Variants in USP34 observed in about 807,000 individuals in gnomAD.
USP34 encodes the protein ubiquitin specific peptidase 34.
A neutral mutation model predicts 460.3 loss-of-function variants in USP34; 70 were observed. The observed-to-expected ratio is 0.15, with a 90% CI of 0.13 to 0.19. The LOEUF (loss-of-function observed/expected upper bound fraction) is 0.19. USP34 is among the 10% of genes least tolerant of loss of function. The probability of loss-of-function intolerance (pLI) is 1.00; values close to 1 mark genes in which losing one functional copy is unlikely to be tolerated. For missense variants in USP34, 3,985 were observed against 4,236.2 expected, an observed-to-expected ratio of 0.94 and a Z score of 1.65; for synonymous variants, 1,647 against 1,405.3, an observed-to-expected ratio of 1.17 and a Z score of -3.85.
chr2:61,221,095 A>C (rs1350759001), intron 66 of USP34, among the ~76,000 whole-genome samples: 1 of 152,190 alleles, frequency 6.6e-6, no homozygotes, highest in Non-Finnish European at 1.5e-5. Flanking sequence ...TTTTGGGAGA[A>C]GATTTGCTGT....
chr2:61,345,519 C>T (rs1229961067), intron 15 of USP34, among the ~76,000 whole-genome samples: 1 of 152,194 alleles, frequency 6.6e-6, no homozygotes, highest in Non-Finnish European at 1.5e-5. Context: ...CACATAGTAT[C>T]ACTCGTAACG....
At position 61,343,990 on chromosome 2, in the gene USP34, A is replaced by C; in HGVS notation, c.2325T>G (p.Ser775Arg). 6.2e-7 allele frequency: 1 copy of C among 1,613,904 alleles called. No individual in the cohort carries two copies. Among genetic ancestry groups the C allele is most frequent in the Non-Finnish European group, 8.5e-7 (1 of 1,179,898 alleles). ...VDDMLSADDV[S>R]CSSSQVSAKS... ...TTGCACTAACCTGGGAGCTACTACAACTGACATCATCTGCACTTAGCATAT... is the reference window on the plus strand; with the variant it reads ...TTGCACTAACCTGGGAGCTACTACACCTGACATCATCTGCACTTAGCATAT... The change falls in exon 16 of 80, where the codon AGT (serine) becomes AGG (arginine). Residue 775 changes from serine (S) to arginine (R), a missense_variant. By Grantham distance (110) the Ser-to-Arg change is moderately radical. Coordinates refer to ENST00000398571, the MANE Select transcript of USP34 (RefSeq NM_014709.4).
intron 5 of USP34, among the ~76,000 whole-genome samples, chr2:61,391,166 C>A (rs1374887502): frequency 6.6e-6 from 1 of 151,962 alleles, no homozygotes; most frequent in Non-Finnish European, 1.5e-5. Context: ...AGGAAATCAG[C>A]CAGGTGCAAT....
chr2:61,204,683 T>C (rs749390608), intron 72 of USP34, 82 bp from the exon 73 acceptor site: 9 of 1,090,532 alleles, frequency 8.3e-6, no homozygotes, highest in Non-Finnish European at 1.1e-5. Flanking sequence ...AATCCTATGA[T>C]TGCCTCACTA....
intron 16 of USP34, 36 bp downstream of exon 16, chr2:61,343,776 TGAA>T (rs1691677775): frequency 1.9e-6 from 3 of 1,575,716 alleles, no homozygotes; most frequent in Non-Finnish European, 2.6e-6. Context: ...ATTCCTGTTG[TGAA>T]GAAGGTAATA....
intron 48 of USP34, among the ~76,000 whole-genome samples, chr2:61,251,324 AAC>A (rs1688576314): frequency 6.6e-6 from 1 of 152,222 alleles, no homozygotes. Flanking sequence ...AAGAATGAAT[AAC>A]ACTGATATTA....
At chr2:61,463,077 A>G (rs1695653348) in intron 1 of USP34, among the ~76,000 whole-genome samples, 1 of 152,174 alleles carries the variant, frequency 6.6e-6, no homozygotes, top group Non-Finnish European at 1.5e-5. Context: ...TCTACTGAAA[A>G]AGTTATGTTA....
intron 10 of USP34, among the ~76,000 whole-genome samples, chr2:61,356,220 GC>G (rs1334846065): frequency 6.6e-6 from 1 of 151,906 alleles, no homozygotes; most frequent in Admixed American, 6.6e-5. Flanking sequence ...AGGCACAGTG[GC>G]TCATGCCTGT....
chr2:61,370,689 G>C (rs1692594607), intron 8 of USP34, 110 bp from the exon 9 acceptor site: 2 of 844,544 alleles, frequency 2.4e-6, no homozygotes. Flanking sequence ...GAATTATAAA[G>C]AATTAGATAC....
intron 39 of USP34, among the ~76,000 whole-genome samples, chr2:61,279,125 A>G (rs1411033038): frequency 6.6e-6 from 1 of 151,734 alleles, no homozygotes; most frequent in East Asian, 1.9e-4. Flanking sequence ...TACAATGTTT[A>G]TTTGGCATCA....
At chr2:61,264,723 T>TA (rs1333605594) in intron 43 of USP34, among the ~76,000 whole-genome samples, 1 of 151,600 alleles carries the variant, frequency 6.6e-6, no homozygotes, top group Non-Finnish European at 1.5e-5. Context: ...AAAGGCAAAC[T>TA]AAAAAATAGC....
chr2:61,300,028 T>C (rs547309540), intron 29 of USP34, among the ~76,000 whole-genome samples: 3 of 152,324 alleles, frequency 2.0e-5, no homozygotes, highest in South Asian at 4.1e-4. Flanking sequence ...GATGTTGTTT[T>C]GACCTGTTGT....
intron 15 of USP34, among the ~76,000 whole-genome samples, chr2:61,347,148 A>G (rs1386502853): frequency 6.6e-6 from 1 of 152,158 alleles, no homozygotes. Flanking sequence ...TCAAAGAAAA[A>G]AAGAAGAAGA....
chr2:61,365,256 T>TACACACACACACACACAC lies in USP34; in HGVS notation c.1251+5047_1251+5064dup, dbSNP rs34689463. On this transcript the variant is annotated intron_variant, in intron 10 of 79. Transcript: ENST00000398571. ...AACAGAGCAAGACTCCATTTCAAAA[T>TACACACACACACACACAC]ACACACACACACACACACACACACA... Among the ~76,000 whole-genome samples, 365 of 142,432 alleles carry TACACACACACACACACAC rather than the reference T, an allele frequency of 2.6e-3. 6 individuals are homozygous for TACACACACACACACACAC. Among genetic ancestry groups the TACACACACACACACACAC allele is most frequent in the African/African-American group, 9.0e-3 (341 of 37,912 alleles). 93.4% of individuals were successfully genotyped at this position (142,432 alleles called of 152,430 possible). A position where few individuals can be genotyped will look rare whatever the true frequency, so the allele number is the denominator to read the frequency against.
At chr2:61,265,623 T>C (rs1425794521) in intron 42 of USP34, 66 bp from the exon 43 acceptor site, 24 of 1,505,212 alleles carry the variant, frequency 1.6e-5, no homozygotes, top group Non-Finnish European at 2.1e-5. Flanking sequence ...GTATTTTGCT[T>C]ACATTAACAG....
intron 66 of USP34, among the ~76,000 whole-genome samples, chr2:61,221,206 T>C (rs1687572722): frequency 6.6e-6 from 1 of 152,220 alleles, no homozygotes; most frequent in Admixed American, 6.5e-5. Flanking sequence ...CCTCTACCAT[T>C]TCTGTCAATT....
At position 61,311,862 on chromosome 2, in the gene USP34, A is replaced by G; in HGVS notation, c.3591T>C (p.Ser1197=). ...TGTCACTCAGTGCTTTCAAATGACT[A>G]CTAATACCAGTGCCTTCAATTTGCC... ...RQWQIEGTGI[S]SHLKALSDKQ... Residue 1197 remains serine (S), a synonymous_variant, in exon 26 of 80, where the codon AGT becomes AGC. Coordinates refer to ENST00000398571, the MANE Select transcript of USP34 (RefSeq NM_014709.4). The G allele has an allele frequency of 6.2e-7, 1 of 1,613,994 alleles. No individual in the cohort carries two copies.
At chr2:61,264,965 C>T (rs1325950424) in intron 43 of USP34, among the ~76,000 whole-genome samples, 2 of 152,162 alleles carry the variant, frequency 1.3e-5, no homozygotes, top group Admixed American at 6.5e-5. Context: ...ATTAGGTCCA[C>T]AATTTGATTC....
intron 75 of USP34, among the ~76,000 whole-genome samples, chr2:61,198,794 G>C (rs1307595745): frequency 6.6e-6 from 1 of 152,104 alleles, no homozygotes; most frequent in Non-Finnish European, 1.5e-5. Flanking sequence ...GCTTGAACCC[G>C]GGAGGTGGAG....
Sources: gnomAD v4.1 joint callset for allele counts (sites outside exome capture counted in the v4.1 genomes callset) on GRCh38, gnomAD v4.1.1 for gene constraint, MANE v1.5 for transcripts, NCBI Gene and HGNC (gene_info 2026-07-23, HGNC 2026-07-21) for gene names.